PTDSS1: variants seen among roughly 807,000 people sequenced by gnomAD.
PTDSS1 encodes phosphatidylserine synthase 1, also known as PSS-1.
Under a neutral mutation model 70.5 loss-of-function variants are expected in PTDSS1, and 45 were observed. That is an observed-to-expected ratio of 0.64 (90% CI 0.50 to 0.82). PTDSS1 has a LOEUF of 0.82. Ranked by LOEUF, PTDSS1 falls within the 40% of genes least tolerant of loss-of-function variation. PTDSS1 has a pLI of 0.00. For synonymous variants in PTDSS1, 188 were observed against 203.8 expected (o/e 0.92, Z 0.66); for missense variants, 417 against 586.1 (o/e 0.71, Z 2.98).
chr8:96,333,437 G>C lies in PTDSS1; in HGVS notation c.1313-20G>C. 6.3e-7 allele frequency: 1 copy of C among 1,592,418 alleles called. No individual in the cohort carries two copies. The highest frequency in any genetic ancestry group is 1.3e-5 in the African/African-American group (1 of 74,520). Reference sequence around the variant, plus strand: ...TCTCCAGAGCCCAGGGTGACGGTGTGCTCTGATTCCTTTGGCCAGGTTCTG... The same window carrying C: ...TCTCCAGAGCCCAGGGTGACGGTGTCCTCTGATTCCTTTGGCCAGGTTCTG... On this transcript the variant is annotated intron_variant, in intron 12 of 12. Transcript: ENST00000517309.
In PTDSS1 at chr8:96,301,613, A is replaced by T. The variant is rs536243626; in HGVS notation, c.752+1768A>T. 2.0e-4 allele frequency among the ~76,000 whole-genome samples: 30 copies of T among 151,768 alleles called. No individual in the cohort carries two copies. In the South Asian group the frequency reaches 4.0e-3, roughly 20 times the overall value. ...CGGCTCACTGCAACCTCCGCCTCCC[A>T]GGTTCAAGCGATTTTCCTGCCTCAG... On this transcript the variant is annotated intron_variant, in intron 6 of 12. Coordinates refer to ENST00000517309, the MANE Select transcript of PTDSS1 (RefSeq NM_014754.3).
intron 4 of PTDSS1, among the ~76,000 whole-genome samples, chr8:96,293,968 G>A (rs1263214010): frequency 2.6e-5 from 4 of 152,152 alleles, no homozygotes; most frequent in East Asian, 1.9e-4. Context: ...TCCAGAGTCC[G>A]GGAAGAAACT....
Position 96,317,057 on chromosome 8 carries a change from A to ATGTGTGTGTGTG in PTDSS1, c.1074-3185_1074-3174dup, listed in dbSNP as rs749702023. Among the ~76,000 whole-genome samples the ATGTGTGTGTGTG allele has an allele frequency of 5.4e-4, 80 of 148,510 alleles. 3 individuals are homozygous for ATGTGTGTGTGTG. The highest frequency in any genetic ancestry group is 2.0e-3 in the African/African-American group (79 of 39,774). ...TCTATATATATGTGTGTATATATAT[A>ATGTGTGTGTGTG]TGTGTGTGTGTGTGTATATATATAT... On this transcript the variant is annotated intron_variant, in intron 9 of 12. Coordinates refer to ENST00000517309, the MANE Select transcript of PTDSS1 (RefSeq NM_014754.3).
rs1586204726 is a variant in PTDSS1 at position 96,314,444 on chromosome 8, C to A, written c.1073+4822C>A. ...GGGAACAGATGTTGGGAGGGGGGTC[C>A]CTTCCCAGCACAGGGGAGTCACCGC... On this transcript the variant is annotated intron_variant, in intron 9 of 12. Coordinates refer to ENST00000517309, the MANE Select transcript of PTDSS1 (RefSeq NM_014754.3). Among the ~76,000 whole-genome samples the A allele has an allele frequency of 2.1e-5, 3 of 144,106 alleles. No homozygotes were observed. The South Asian group carries it at 6.6e-4, about 32-fold the overall frequency. 94.5% of individuals were successfully genotyped at this position (144,106 alleles called of 152,430 possible).
chr8:96,291,884 G>C (rs1037875198), intron 4 of PTDSS1, among the ~76,000 whole-genome samples: 2 of 152,070 alleles, frequency 1.3e-5, no homozygotes, highest in African/African-American at 4.8e-5. Flanking sequence ...AGTGTCTGGT[G>C]GTCTCGCTTT....
rs941648990 is a variant in PTDSS1, at chr8:96,328,264, C to T, written c.1174-1949C>T. ...GAGGTGGAACCTAACCCCCCCAGTC[C>T]GCTGTGTGAAACCCAGAATGTTCTG... On this transcript the variant is annotated intron_variant, in intron 10 of 12. Coordinates refer to ENST00000517309, the MANE Select transcript of PTDSS1 (RefSeq NM_014754.3). Among the ~76,000 whole-genome samples the T allele has an allele frequency of 2.0e-5, 3 of 152,178 alleles. 1 individual carries two copies. The highest frequency in any genetic ancestry group is 3.9e-4 in the East Asian group (2 of 5,186).
chr8:96,324,072 A>G (rs1811406958), intron 10 of PTDSS1, among the ~76,000 whole-genome samples: 2 of 152,176 alleles, frequency 1.3e-5, no homozygotes, highest in Admixed American at 1.3e-4. Context: ...CAATTCAGCC[A>G]AGGTCTTTGC....
At chr8:96,317,019 A>G (rs1811299465) in intron 9 of PTDSS1, among the ~76,000 whole-genome samples, 1 of 97,836 alleles carries the variant, frequency 1.0e-5, no homozygotes, top group African/African-American at 3.8e-5. Flanking sequence ...ATGTATGTGT[A>G]TATATATATG....
intron 4 of PTDSS1, among the ~76,000 whole-genome samples, chr8:96,290,034 C>T (rs914996000): frequency 6.6e-6 from 1 of 152,082 alleles, no homozygotes; most frequent in African/African-American, 2.4e-5. Context: ...TTATATTCTA[C>T]ATAAGCCTCG....
intron 12 of PTDSS1, among the ~76,000 whole-genome samples, chr8:96,331,500 G>T (rs1314318644): frequency 6.6e-6 from 1 of 151,790 alleles, no homozygotes; most frequent in Non-Finnish European, 1.5e-5. Context: ...CTGCACTCCA[G>T]CCTGGGCAGC....
chr8:96,331,009 C>G lies in PTDSS1; in HGVS notation c.1243-17C>G. The stretch of plus-strand genomic sequence containing the variant: ...GAGTTCCTAAAATTCCTGCACTAAG[C>G]CTGTCTCTCTCCCTAGACCTACTCG... On this transcript the variant is annotated splice_polypyrimidine_tract_variant and intron_variant, in intron 11 of 12. Coordinates refer to ENST00000517309, the MANE Select transcript of PTDSS1 (RefSeq NM_014754.3). 2 of 1,606,508 alleles carry G rather than the reference C, an allele frequency of 1.2e-6. No individual in the cohort carries two copies. The highest frequency in any genetic ancestry group is 1.3e-5 in the African/African-American group (1 of 74,836).
In PTDSS1 at chr8:96,282,412, G is replaced by A. The variant is rs180970059; in HGVS notation, c.272-1697G>A. On this transcript the variant is annotated intron_variant, in intron 2 of 12. Transcript: ENST00000517309. ...GCAGCTGATTTTGAAAAGGAATATAGGTAGTCCTCACTGTCTGAGCCCTCA... is the reference window on the plus strand; with the variant it reads ...GCAGCTGATTTTGAAAAGGAATATAAGTAGTCCTCACTGTCTGAGCCCTCA... 2.6e-5 allele frequency among the ~76,000 whole-genome samples: 4 copies of A among 152,280 alleles called. No homozygotes were observed. In the East Asian group the frequency reaches 7.7e-4, roughly 29 times the overall value.
chr8:96,288,353 C>T (rs957884646), intron 4 of PTDSS1, among the ~76,000 whole-genome samples: 1 of 152,080 alleles, frequency 6.6e-6, no homozygotes, highest in African/African-American at 2.4e-5. Context: ...GAGACAGAGT[C>T]TCACTCTGTT....
chr8:96,305,812 T>A (rs1226489487), intron 7 of PTDSS1, among the ~76,000 whole-genome samples: 1 of 152,152 alleles, frequency 6.6e-6, no homozygotes, highest in Non-Finnish European at 1.5e-5. Flanking sequence ...CTCAGCCTCC[T>A]GAGTAGCTGG....
chr8:96,330,347 CAG>C, intron 11 of PTDSS1, 66 bp downstream of exon 11: 1 of 1,474,560 alleles, frequency 6.8e-7, no homozygotes, highest in South Asian at 1.2e-5. Flanking sequence ...CAAATTCGCT[CAG>C]AGCACGTGCC....
Position 96,324,972 on chromosome 8 carries a change from C to T in PTDSS1, c.1173+4627C>T, listed in dbSNP as rs181209760. ...TTCACTTGGTACAGACCTCTTAGTCCGGGCTTCATTCACAGACAGTTGCTG... is the reference window on the plus strand; with the variant it reads ...TTCACTTGGTACAGACCTCTTAGTCTGGGCTTCATTCACAGACAGTTGCTG... On this transcript the variant is annotated intron_variant, in intron 10 of 12. Coordinates refer to ENST00000517309, the MANE Select transcript of PTDSS1 (RefSeq NM_014754.3). Among the ~76,000 whole-genome samples the T allele has an allele frequency of 1.8e-4, 28 of 152,274 alleles. No individual in the cohort carries two copies. The East Asian group carries it at 2.7e-3, about 15-fold the overall frequency.
intron 1 of PTDSS1, among the ~76,000 whole-genome samples, chr8:96,267,894 C>T (rs1810510939): frequency 6.6e-6 from 1 of 152,208 alleles, no homozygotes; most frequent in Admixed American, 6.5e-5. Context: ...ACCTCCTGCC[C>T]ACACATGACA....
chr8:96,284,294 T>A, intron 3 of PTDSS1, 141 bp downstream of exon 3: 1 of 702,224 alleles, frequency 1.4e-6, no homozygotes, highest in Non-Finnish European at 2.3e-6. Context: ...CTAATATACA[T>A]GTTTTCTTAA....
chr8:96,267,843 G>C (rs1810510087), intron 1 of PTDSS1, among the ~76,000 whole-genome samples: 1 of 152,034 alleles, frequency 6.6e-6, no homozygotes, highest in South Asian at 2.1e-4. Context: ...CCCATACCTA[G>C]GCAGGGCTGC....
Sources: allele counts gnomAD v4.1 joint callset (sites outside exome capture counted in the v4.1 genomes callset), GRCh38; gene constraint gnomAD v4.1.1; transcripts MANE v1.5; gene names NCBI Gene and HGNC (gene_info 2026-07-23, HGNC 2026-07-21).